The following SYNDIG1 variants were observed in gnomAD, a reference collection of about 807,000 sequenced individuals.
SYNDIG1 encodes synapse differentiation-inducing gene protein 1.
A neutral mutation model predicts 19.4 loss-of-function variants in SYNDIG1; 9 were observed. The observed-to-expected ratio is 0.46, with a 90% CI of 0.28 to 0.81. The LOEUF (loss-of-function observed/expected upper bound fraction) is 0.81. Ranked by LOEUF, SYNDIG1 falls within the 30% of genes least tolerant of loss-of-function variation. The pLI is 0.12. For synonymous variants in SYNDIG1, 141 were observed against 145.9 expected (o/e 0.97, Z 0.24); for missense variants, 311 against 343.3 (o/e 0.91, Z 0.74).
intron 1 of SYNDIG1, among the ~76,000 whole-genome samples, chr20:24,530,417 A>G (rs1055551138): frequency 3.3e-5 from 5 of 152,222 alleles, no homozygotes; most frequent in Non-Finnish European, 7.3e-5. Flanking sequence ...TGCCATTTAA[A>G]TGCTAAATAG....
chr20:24,484,383 G>A (rs1331533481), intron 1 of SYNDIG1, among the ~76,000 whole-genome samples: 1 of 152,188 alleles, frequency 6.6e-6, no homozygotes, highest in Non-Finnish European at 1.5e-5. Flanking sequence ...CAGCATGGCA[G>A]CCTTGAGGTA....
At chr20:24,609,517 C>A (rs1379747617) in intron 3 of SYNDIG1, among the ~76,000 whole-genome samples, 1 of 152,186 alleles carries the variant, frequency 6.6e-6, no homozygotes, top group Non-Finnish European at 1.5e-5. Context: ...CACACAGGAG[C>A]AGAGGATGAT....
chr20:24,565,534 T>G (rs1288663419), intron 2 of SYNDIG1, among the ~76,000 whole-genome samples: 1 of 152,172 alleles, frequency 6.6e-6, no homozygotes, highest in Non-Finnish European at 1.5e-5. Flanking sequence ...TGGGTGATGT[T>G]TGGGTGTTTC....
In SYNDIG1 at chr20:24,543,287, AGC is replaced by A; in HGVS notation, c.191_192del (p.Ser64LysfsTer4). ...GASTVPASLD[S>X]SRSEPMQQLL... is the part of the protein sequence containing the mutation. ...CAGCACAGTGCCGGCCAGCCTGGAC[AGC>A]AGCAGGAGTGAGCCGATGCAGCAGC... On this transcript the variant is annotated frameshift_variant, in exon 2 of 4. Transcript: ENST00000376862. LOFTEE classifies it high-confidence loss of function. 6.2e-7 allele frequency: 1 copy of A among 1,613,624 alleles called. No homozygotes were observed. The highest frequency in any genetic ancestry group is 8.5e-7 in the Non-Finnish European group (1 of 1,180,024).
intron 3 of SYNDIG1, among the ~76,000 whole-genome samples, chr20:24,656,026 A>T (rs1439232162): frequency 6.6e-6 from 1 of 152,212 alleles, no homozygotes; most frequent in Non-Finnish European, 1.5e-5. Flanking sequence ...GCAGGCAAAC[A>T]GAATCTGGGC....
intron 1 of SYNDIG1, among the ~76,000 whole-genome samples, chr20:24,471,596 CCTT>C (rs2072378574): frequency 1.9e-5 from 2 of 106,894 alleles, no homozygotes; most frequent in Admixed American, 2.2e-4. Flanking sequence ...ATCAAGAGGG[CCTT>C]GTTAAAAAAA....
In SYNDIG1 at chr20:24,530,669, G is replaced by A. The variant is rs951204601; in HGVS notation, c.-78-12351G>A. 2.0e-5 allele frequency among the ~76,000 whole-genome samples: 3 copies of A among 152,128 alleles called. 1 individual carries two copies. The highest frequency in any genetic ancestry group is 4.1e-4 in the South Asian group (2 of 4,824). ...GTTTGGGAAAGACCCAGCACCTGGT[G>A]CCCTCCTAATGCCTTGACAAATTGA... is the stretch of plus-strand genomic sequence containing the variant. On this transcript the variant is annotated intron_variant, in intron 1 of 3. Coordinates refer to ENST00000376862, the MANE Select transcript of SYNDIG1 (RefSeq NM_024893.3).
At chr20:24,500,920 T>C (rs1450252288) in intron 1 of SYNDIG1, among the ~76,000 whole-genome samples, 2 of 152,162 alleles carry the variant, frequency 1.3e-5, no homozygotes, top group Non-Finnish European at 1.5e-5. Flanking sequence ...GGGGAAGCCC[T>C]GAGGGAAAGT....
intron 1 of SYNDIG1, among the ~76,000 whole-genome samples, chr20:24,510,569 CAA>C (rs372050983): frequency 3.4e-4 from 23 of 67,836 alleles, no homozygotes; most frequent in Admixed American, 3.4e-4. Context: ...AACTTGATCT[CAA>C]AAAAAAAAAA....
intron 2 of SYNDIG1, among the ~76,000 whole-genome samples, chr20:24,555,984 T>A (rs1480828648): frequency 6.6e-6 from 1 of 152,202 alleles, no homozygotes; most frequent in Non-Finnish European, 1.5e-5. Flanking sequence ...TGAATCTGGG[T>A]GCTCCTCTAT....
chr20:24,561,727 T>C (rs1222258171), intron 2 of SYNDIG1, among the ~76,000 whole-genome samples: 3 of 152,278 alleles, frequency 2.0e-5, no homozygotes, highest in African/African-American at 7.2e-5. Context: ...GCCTGCCTCC[T>C]GACTGCCCTA....
At chr20:24,650,532 T>A (rs2059459992) in intron 3 of SYNDIG1, among the ~76,000 whole-genome samples, 1 of 152,182 alleles carries the variant, frequency 6.6e-6, no homozygotes, top group South Asian at 2.1e-4. Flanking sequence ...TTTTTTCACT[T>A]GAATTAAAAA....
At chr20:24,586,422 T>A (rs2058418856) in intron 3 of SYNDIG1, among the ~76,000 whole-genome samples, 1 of 151,462 alleles carries the variant, frequency 6.6e-6, no homozygotes, top group Admixed American at 6.6e-5. Context: ...GGCTGTGGAG[T>A]GGATGCAGGC....
chr20:24,511,578 C>G (rs950501320), intron 1 of SYNDIG1, among the ~76,000 whole-genome samples: 7 of 152,112 alleles, frequency 4.6e-5, no homozygotes, highest in African/African-American at 7.2e-5. Context: ...TCTCCTCTGC[C>G]CCCGCCACTA....
chr20:24,647,527 G>A (rs2059433533), intron 3 of SYNDIG1, among the ~76,000 whole-genome samples: 1 of 151,920 alleles, frequency 6.6e-6, no homozygotes, highest in Non-Finnish European at 1.5e-5. Context: ...ACAGGGGATG[G>A]GGGCTCACAG....
At chr20:24,582,794 C>T (rs578129445) in intron 2 of SYNDIG1, among the ~76,000 whole-genome samples, 5 of 152,346 alleles carry the variant, frequency 3.3e-5, no homozygotes, top group South Asian at 2.1e-4. Context: ...AGCCTGGCTC[C>T]GTGGACAGAG....
At chr20:24,487,366 G>T (rs1415310041) in intron 1 of SYNDIG1, among the ~76,000 whole-genome samples, 3 of 152,158 alleles carry the variant, frequency 2.0e-5, no homozygotes, top group Non-Finnish European at 4.4e-5. Context: ...TTACTGAGGT[G>T]ATGAGTGTTA....
intron 3 of SYNDIG1, among the ~76,000 whole-genome samples, chr20:24,655,151 A>G (rs1015774550): frequency 1.3e-5 from 2 of 152,242 alleles, no homozygotes; most frequent in African/African-American, 4.8e-5. Context: ...CAATTGGAGC[A>G]GAACACCAGG....
chr20:24,496,444 T>C (rs1372406083), intron 1 of SYNDIG1, among the ~76,000 whole-genome samples: 9 of 152,246 alleles, frequency 5.9e-5, no homozygotes, highest in Non-Finnish European at 1.0e-4. Flanking sequence ...ATTTCTTTTG[T>C]TAAATTTAAT....
Sources: gnomAD v4.1 joint callset for allele counts (sites outside exome capture counted in the v4.1 genomes callset) on GRCh38, gnomAD v4.1.1 for gene constraint, MANE v1.5 for transcripts, NCBI Gene and HGNC (gene_info 2026-07-23, HGNC 2026-07-21) for gene names.